Variants in ALDH7A1 observed in about 807,000 individuals in gnomAD.
ALDH7A1 encodes alpha-aminoadipic semialdehyde dehydrogenase.
In ALDH7A1, 63 loss-of-function variants were observed where a neutral mutation model predicts 79.9. The ratio of observed to expected loss-of-function variants is 0.79; its 90% CI spans 0.64 to 0.97. ALDH7A1 has a LOEUF of 0.97. Ranked by LOEUF, ALDH7A1 falls within the 50% of genes least tolerant of loss-of-function variation. The pLI is 0.00. For missense variants in ALDH7A1, 627 were observed against 665.2 expected, an observed-to-expected ratio of 0.94 and a Z score of 0.63; for synonymous variants, 240 against 231.2, an observed-to-expected ratio of 1.04 and a Z score of -0.34.
At chr5:126,576,867 C>T (rs1378212900) in intron 6 of ALDH7A1, among the ~76,000 whole-genome samples, 2 of 152,172 alleles carry the variant, frequency 1.3e-5, no homozygotes, top group Non-Finnish European at 2.9e-5. Context: ...GCGGAGGTTG[C>T]AGTGAGCTGA....
intron 6 of ALDH7A1, 107 bp downstream of exon 6, chr5:126,576,972 G>A (rs1466785021): frequency 4.3e-6 from 6 of 1,393,298 alleles, no homozygotes; most frequent in East Asian, 2.3e-5. Flanking sequence ...AGCCAGGTGT[G>A]GTGATGCACA....
chr5:126,561,127 T>G lies in ALDH7A1; in HGVS notation c.872-3A>C. 5.6e-6 allele frequency: 9 copies of G among 1,608,680 alleles called. No individual in the cohort carries two copies. The highest frequency in any genetic ancestry group is 6.8e-6 in the Non-Finnish European group (8 of 1,177,388). ...TCCAAGTTCCAACAGACTTCTCCCT[T>G]AAAAGAAAAAAATTATATATAAAAA... On this transcript the variant is annotated splice_region_variant and splice_polypyrimidine_tract_variant and intron_variant, in intron 9 of 17. Coordinates refer to ENST00000409134, the MANE Select transcript of ALDH7A1 (RefSeq NM_001182.5).
In ALDH7A1 at chr5:126,561,084, A is replaced by G. The variant is rs1311121608; in HGVS notation, c.912T>C (p.Ile304=). 1.9e-6 allele frequency: 3 copies of G among 1,613,276 alleles called. No individual in the cohort carries two copies. Among genetic ancestry groups the G allele is most frequent in the Non-Finnish European group, 2.5e-6 (3 of 1,179,666 alleles). ...ACAAAAACAAAGAGGCAGCCTTACC[A>G]ATAATGGCATTGTTTCCTCCAAGTT... ...LLELGGNNAI[I]AFEDADLSLV... is the part of the protein sequence containing the mutation. Residue 304 remains isoleucine (I), a splice_region_variant and synonymous_variant, in exon 10 of 18, where the codon ATT becomes ATC. Transcript: ENST00000409134.
chr5:126,579,256 G>T (rs1751088118), intron 5 of ALDH7A1, among the ~76,000 whole-genome samples: 1 of 152,248 alleles, frequency 6.6e-6, no homozygotes, highest in East Asian at 1.9e-4. Context: ...CTTCACACAG[G>T]CTTCTTCCTT....
chr5:126,559,390 T>C, intron 10 of ALDH7A1, 56 bp from the exon 11 acceptor site: 1 of 1,301,420 alleles, frequency 7.7e-7, no homozygotes, highest in Non-Finnish European at 1.1e-6. Context: ...ACAAGGTATT[T>C]GTTAGCTGGT....
At position 126,556,033 on chromosome 5, in the gene ALDH7A1, T is replaced by C. The variant is rs1026286412; in HGVS notation, c.1009-18A>G. ...TGTATAAACTAAACGAAAAAAGATA[T>C]TCAAGGGCATAGTATGATAAATGCA... On this transcript the variant is annotated intron_variant, in intron 11 of 17. Transcript: ENST00000409134. The C allele has an allele frequency of 3.2e-6, 5 of 1,560,760 alleles. No individual in the cohort carries two copies. Among genetic ancestry groups the C allele is most frequent in the Non-Finnish European group, 4.4e-6 (5 of 1,132,304 alleles).
chr5:126,555,887 G>C (rs932982351), intron 12 of ALDH7A1, 44 bp downstream of exon 12: 1 of 1,456,330 alleles, frequency 6.9e-7, no homozygotes, highest in Non-Finnish European at 9.6e-7. Context: ...GTTAACAACA[G>C]CTCTCAAAAA....
In ALDH7A1 at chr5:126,550,689, GA is replaced by G. The variant is rs536523509; in HGVS notation, c.1318-397del. 1.1e-4 allele frequency among the ~76,000 whole-genome samples: 16 copies of G among 152,264 alleles called. No individual in the cohort carries two copies. In the South Asian group the frequency reaches 3.3e-3, roughly 32 times the overall value. Reference sequence around the variant, plus strand: ...AGATTGGGCAACTGAGGCCTACAGAGACTAATTTGCTCAAGAGCTCACACAG... The same window carrying G: ...AGATTGGGCAACTGAGGCCTACAGAGCTAATTTGCTCAAGAGCTCACACAG... On this transcript the variant is annotated intron_variant, in intron 14 of 17. Transcript: ENST00000409134.
At position 126,595,136 on chromosome 5, in the gene ALDH7A1, A is replaced by G. The variant is rs368427726; in HGVS notation, c.63T>C (p.Pro21=). The G allele has an allele frequency of 1.6e-4, 246 of 1,567,558 alleles. No homozygotes were observed. Among genetic ancestry groups the G allele is most frequent in the Middle Eastern group, 9.9e-4 (6 of 6,034 alleles). ...ACATGAAGGCGGCAGGCCTGCTCCA[A>G]GGTCCAGAGAGCTTGCTGGTCTTTG... is the stretch of plus-strand genomic sequence containing the variant. The part of the protein sequence containing the change: ...HAAKTSKLSG[P]WSRPAAFMST... The change falls in exon 1 of 18, where the codon CCT becomes CCC. Residue 21 remains proline (P), a synonymous_variant. Coordinates refer to ENST00000409134, the MANE Select transcript of ALDH7A1 (RefSeq NM_001182.5).
At chr5:126,565,916 C>A (rs1003456311) in intron 9 of ALDH7A1, among the ~76,000 whole-genome samples, 1 of 152,232 alleles carries the variant, frequency 6.6e-6, no homozygotes, top group Non-Finnish European at 1.5e-5. Context: ...TATCTCTGGA[C>A]TTCCAATTCT....
intron 17 of ALDH7A1, 126 bp from the exon 18 acceptor site, chr5:126,545,145 A>G: frequency 1.4e-6 from 1 of 719,666 alleles, no homozygotes; most frequent in Non-Finnish European, 2.5e-6. Flanking sequence ...CAACTTTTTA[A>G]GACAAACCTT....
chr5:126,580,949 C>T (rs1751153275), intron 5 of ALDH7A1, among the ~76,000 whole-genome samples: 1 of 152,048 alleles, frequency 6.6e-6, no homozygotes, highest in African/African-American at 2.4e-5. Context: ...CTCAGCCTCC[C>T]GAGTAGCTGG....
intron 9 of ALDH7A1, among the ~76,000 whole-genome samples, chr5:126,567,558 C>T (rs951785650): frequency 4.0e-4 from 61 of 152,054 alleles, no homozygotes; most frequent in African/African-American, 1.4e-3. Context: ...ACTGCAAGCT[C>T]CACCTCCCGG....
Position 126,558,975 on chromosome 5 carries a change from A to G in ALDH7A1, c.1008+265T>C, listed in dbSNP as rs536362162. 5.3e-5 allele frequency among the ~76,000 whole-genome samples: 8 copies of G among 152,328 alleles called. No individual in the cohort carries two copies. In the East Asian group the frequency reaches 1.3e-3, roughly 26 times the overall value. ...TCGTCCATATTGTTCTAGGAGTAGG[A>G]CTGAATATCAGTCTCATCTCCTAGT... On this transcript the variant is annotated intron_variant, in intron 11 of 17. Transcript: ENST00000409134.
Position 126,595,209 on chromosome 5 carries a change from G to T in ALDH7A1, c.-11C>A. Reference sequence around the variant, plus strand: ...AGGAAGGCGCCACATACTGAGCCCGGGACTCGGGATGAGCCCAAGGCCCTG... The same window carrying T: ...AGGAAGGCGCCACATACTGAGCCCGTGACTCGGGATGAGCCCAAGGCCCTG... On this transcript the variant is annotated 5_prime_UTR_variant, in exon 1 of 18. Coordinates refer to ENST00000409134, the MANE Select transcript of ALDH7A1 (RefSeq NM_001182.5). 6.4e-7 allele frequency: 1 copy of T among 1,551,742 alleles called. No individual in the cohort carries two copies.
At position 126,583,993 on chromosome 5, in the gene ALDH7A1, C is replaced by T. The variant is rs994001880; in HGVS notation, c.332G>A (p.Gly111Glu). The change falls in exon 4 of 18, where the codon GGA becomes GAA. Residue 111 changes from glycine (G) to glutamate (E), a missense_variant. Transcript: ENST00000409134. ...ATCGCCAATCTGTCTTACTATTTCT[C>T]CTCGTTTTGGAGCAGGAATCTAAGA... Reference protein sequence around the residue: ...IWADIPAPKRGEIVRQIGDAL... With the variant: ...IWADIPAPKREEIVRQIGDAL... 2.5e-6 allele frequency: 4 copies of T among 1,614,028 alleles called. No homozygotes were observed. The African/African-American group carries it at 4.0e-5, about 16-fold the overall frequency.
intron 16 of ALDH7A1, among the ~76,000 whole-genome samples, chr5:126,549,266 T>C (rs541205028): frequency 1.3e-5 from 2 of 152,268 alleles, no homozygotes; most frequent in African/African-American, 2.4e-5. Flanking sequence ...AATTGTAGTA[T>C]CTGCTCTAAA....
At chr5:126,546,231 A>G (rs1749781171) in intron 17 of ALDH7A1, 93 bp downstream of exon 17, 1 of 1,136,780 alleles carries the variant, frequency 8.8e-7, no homozygotes, top group Non-Finnish European at 1.3e-6. Flanking sequence ...ATCAAATGAC[A>G]CTGCACAAAG....
intron 13 of ALDH7A1, among the ~76,000 whole-genome samples, chr5:126,553,040 C>T (rs1750059912): frequency 6.6e-6 from 1 of 152,116 alleles, no homozygotes; most frequent in African/African-American, 2.4e-5. Context: ...CTGCACCTGG[C>T]AATATGTGTT....
Sources: allele counts gnomAD v4.1 joint callset (sites outside exome capture counted in the v4.1 genomes callset), GRCh38; gene constraint gnomAD v4.1.1; transcripts MANE v1.5; gene names NCBI Gene and HGNC (gene_info 2026-07-23, HGNC 2026-07-21).